NPR3: variants seen among roughly 807,000 people sequenced by gnomAD.
NPR3 encodes atrial natriuretic peptide receptor 3.
NPR3 carries 34 observed loss-of-function variants against 54.5 expected under a neutral mutation model. The observed-to-expected ratio is 0.62, with a 90% CI of 0.47 to 0.83. The LOEUF (loss-of-function observed/expected upper bound fraction) is 0.83, where lower values mean the gene tolerates loss of function less well. Ranked by LOEUF, NPR3 falls within the 40% of genes least tolerant of loss-of-function variation. The pLI is 0.00. For synonymous variants in NPR3, 289 were observed against 297.1 expected, an observed-to-expected ratio of 0.97 and a Z score of 0.28; for missense variants, 674 against 720.8, an observed-to-expected ratio of 0.94 and a Z score of 0.74.
At chr5:32,771,889 A>G (rs779706867) in intron 3 of NPR3, among the ~76,000 whole-genome samples, 12 of 152,040 alleles carry the variant, frequency 7.9e-5, no homozygotes, top group Non-Finnish European at 1.3e-4. Context: ...TGACTCTGTG[A>G]TTCTCTGACT....
chr5:32,733,028 A>G (rs914056390), intron 2 of NPR3, among the ~76,000 whole-genome samples: 5 of 152,012 alleles, frequency 3.3e-5, no homozygotes, highest in Admixed American at 6.6e-5. Context: ...TATTTTTAGT[A>G]GAGATGGGGT....
chr5:32,767,656 T>A (rs751798291), intron 3 of NPR3, among the ~76,000 whole-genome samples: 2 of 152,164 alleles, frequency 1.3e-5, no homozygotes, highest in Non-Finnish European at 2.9e-5. Flanking sequence ...CTGTTGGAGT[T>A]GGGGTTCTGG....
At chr5:32,738,308 C>T (rs1009124168) in intron 2 of NPR3, among the ~76,000 whole-genome samples, 1 of 151,676 alleles carries the variant, frequency 6.6e-6, no homozygotes, top group African/African-American at 2.4e-5. Context: ...CCCTGATAGG[C>T]CCTGGTGTGT....
chr5:32,721,691 AG>A lies in NPR3; in HGVS notation c.770-3006del, dbSNP rs536432378. 3.5e-3 allele frequency among the ~76,000 whole-genome samples: 528 copies of A among 152,252 alleles called. 3 individuals are homozygous for A. Among genetic ancestry groups the A allele is most frequent in the African/African-American group, 0.012 (509 of 41,550 alleles). ...AAAATAACAACAGAAAAGAAAACAAAGAATGTGTCCATCAGAAGGACTTGGT... is the reference window on the plus strand; with the variant it reads ...AAAATAACAACAGAAAAGAAAACAAAAATGTGTCCATCAGAAGGACTTGGT... On this transcript the variant is annotated intron_variant, in intron 1 of 7. Transcript: ENST00000265074.
intron 3 of NPR3, among the ~76,000 whole-genome samples, chr5:32,754,222 T>G (rs1740717853): frequency 6.6e-6 from 1 of 152,190 alleles, no homozygotes; most frequent in Non-Finnish European, 1.5e-5. Flanking sequence ...AAATATTAAT[T>G]GATGGGTATT....
In NPR3 at chr5:32,791,161, T is replaced by C. The variant is rs1245308517; in HGVS notation, c.*4816T>C. 1 of 167,134 alleles carries C rather than the reference T, an allele frequency of 6.0e-6. No individual in the cohort carries two copies. Among genetic ancestry groups the C allele is most frequent in the African/African-American group, 2.4e-5 (1 of 41,470 alleles). 10.4% of individuals were successfully genotyped at this position (167,134 alleles called of 1,614,324 possible). A position where few individuals can be genotyped will look rare whatever the true frequency, so the allele number is the denominator to read the frequency against. On this transcript the variant is annotated 3_prime_UTR_variant, in exon 8 of 8. Transcript: ENST00000265074. ...AGATCTGAAAATCTTCAACATCTTA[T>C]AAGACAACAATGAAGTAGCCCCTGA...
At chr5:32,722,795 A>T (rs139686266) in intron 1 of NPR3, among the ~76,000 whole-genome samples, 179 of 152,320 alleles carry the variant, frequency 1.2e-3, no homozygotes, top group African/African-American at 4.2e-3. Flanking sequence ...CTAAATCATA[A>T]CAAATAATTA....
chr5:32,710,879 GGTGTGTGTGTGTATATGTGTGTGTGT>G (rs2111834331), upstream of NPR3: 5 of 1,029,148 alleles, frequency 4.9e-6, no homozygotes, highest in Admixed American at 4.3e-5. Flanking sequence ...TTTTTTGCAC[GGTGTGTGTGTGTATATGTGTGTGTGT>G]GTGTGTGTGT....
intron 3 of NPR3, among the ~76,000 whole-genome samples, chr5:32,750,724 C>G (rs1056017953): frequency 3.3e-5 from 5 of 152,114 alleles, no homozygotes; most frequent in African/African-American, 1.2e-4. Flanking sequence ...GTCCAAAATG[C>G]CCTAGCTCCT....
chr5:32,740,623 A>G (rs999696170), intron 3 of NPR3, among the ~76,000 whole-genome samples: 4 of 151,836 alleles, frequency 2.6e-5, no homozygotes, highest in Non-Finnish European at 4.4e-5. Context: ...AAAAAACCCC[A>G]GGTGAAGTTA....
At chr5:32,696,627 T>C (rs1454922744) in intron 1 of NPR3, among the ~76,000 whole-genome samples, 3 of 152,184 alleles carry the variant, frequency 2.0e-5, no homozygotes, top group Non-Finnish European at 2.9e-5. Context: ...ATTCTTCCAA[T>C]CCATGAACAT....
At chr5:32,727,851 C>A (rs1739217293) in intron 2 of NPR3, among the ~76,000 whole-genome samples, 1 of 152,084 alleles carries the variant, frequency 6.6e-6, no homozygotes, top group Non-Finnish European at 1.5e-5. Context: ...TTTCTTATTG[C>A]ATTGGCAAGA....
At chr5:32,756,095 T>A (rs1740825653) in intron 3 of NPR3, among the ~76,000 whole-genome samples, 1 of 152,228 alleles carries the variant, frequency 6.6e-6, no homozygotes, top group Admixed American at 6.5e-5. Context: ...CAGCATGATT[T>A]ATAATCTTTG....
chr5:32,742,217 C>T (rs1248033320), intron 3 of NPR3, among the ~76,000 whole-genome samples: 3 of 152,104 alleles, frequency 2.0e-5, no homozygotes, highest in Non-Finnish European at 4.4e-5. Context: ...GGTGGACTCT[C>T]TCATTTGTTC....
At chr5:32,709,661 A>C (rs1284955302), upstream of NPR3, 1 of 152,130 alleles carries the variant, frequency 6.6e-6, no homozygotes, top group Non-Finnish European at 1.5e-5. Flanking sequence ...GCATAATCTG[A>C]ATATAAATGA....
chr5:32,712,716 C>T (rs781299643), intron 1 of NPR3, among the ~76,000 whole-genome samples, 171 bp downstream of exon 1: 1 of 152,228 alleles, frequency 6.6e-6, no homozygotes. Flanking sequence ...CTTTGACGAC[C>T]GCCCATCGCG....
chr5:32,786,294 A>T lies in NPR3; in HGVS notation c.1575A>T (p.Lys525Asn), dbSNP rs752800068. ...AGCAAGAAGAAAGTAACCTTGGAAAACATCGGGAATTACGGGAAGATTCCA... is the reference window on the plus strand; with the variant it reads ...AGCAAGAAGAAAGTAACCTTGGAAATCATCGGGAATTACGGGAAGATTCCA... Reference protein sequence around the residue: ...RTQQEESNLGKHRELREDSIR... With the variant: ...RTQQEESNLGNHRELREDSIR... Residue 525 changes from lysine (K) to asparagine (N), a missense_variant, in exon 8 of 8, where the codon AAA becomes AAT. Physicochemically the swap from Lys to Asn is moderately conservative, Grantham distance 94. Coordinates refer to ENST00000265074, the MANE Select transcript of NPR3 (RefSeq NM_001204375.2). 6.3e-7 allele frequency: 1 copy of T among 1,593,292 alleles called. No homozygotes were observed. The highest frequency in any genetic ancestry group is 8.6e-7 in the Non-Finnish European group (1 of 1,164,408).
chr5:32,744,342 C>A (rs1018783946), intron 3 of NPR3, among the ~76,000 whole-genome samples: 3 of 152,114 alleles, frequency 2.0e-5, no homozygotes, highest in Non-Finnish European at 4.4e-5. Context: ...CAGTGCAGCC[C>A]AGTGGTTAAA....
At chr5:32,781,068 G>T (rs1436069424) in intron 5 of NPR3, among the ~76,000 whole-genome samples, 2 of 149,348 alleles carry the variant, frequency 1.3e-5, no homozygotes, top group African/African-American at 4.9e-5. Flanking sequence ...GGGTCATCGG[G>T]TAAAATCAGT....
Sources: gnomAD v4.1 joint callset for allele counts (sites outside exome capture counted in the v4.1 genomes callset) on GRCh38, gnomAD v4.1.1 for gene constraint, MANE v1.5 for transcripts, NCBI Gene and HGNC (gene_info 2026-07-23, HGNC 2026-07-21) for gene names.